Variants in RBBP7 observed in about 807,000 individuals in gnomAD.
The protein encoded by RBBP7 is RB binding protein 7, chromatin remodeling factor.
In RBBP7, 5 loss-of-function variants were observed where a neutral mutation model predicts 35.2. The observed-to-expected ratio is 0.14, with a 90% confidence interval of 0.07 to 0.30. The LOEUF (loss-of-function observed/expected upper bound fraction) is 0.30. Among genes scored for constraint, RBBP7 ranks in the 10% least tolerant of loss-of-function variants. The probability of loss-of-function intolerance (pLI) is 1.00; values close to 1 mark genes in which losing one functional copy is unlikely to be tolerated. For missense variants in RBBP7, 155 were observed against 327.5 expected, an observed-to-expected ratio of 0.47 and a Z score of 4.07; for synonymous variants, 140 against 118.7, an observed-to-expected ratio of 1.18 and a Z score of -1.17.
chrX:16,845,749 G>A (rs1930059322), intron 11 of RBBP7, 79 bp downstream of exon 11: 5 of 1,122,722 alleles, frequency 4.5e-6, no homozygotes, highest in South Asian at 2.3e-5. Context: ...CTACATATTC[G>A]AAATAACTTT....
chrX:16,866,416 C>T (rs1930616223), intron 2 of RBBP7, among the ~76,000 whole-genome samples: 1 of 104,302 alleles, frequency 9.6e-6, no homozygotes, highest in African/African-American at 3.5e-5. Context: ...ATCCCAGCTA[C>T]TCAGGAGGCT....
chrX:16,854,577 G>C (rs1386869821), intron 5 of RBBP7, among the ~76,000 whole-genome samples: 3 of 111,239 alleles, frequency 2.7e-5, no homozygotes, highest in Non-Finnish European at 5.7e-5. Context: ...CTCTCACATA[G>C]CAAAAGCCTC....
At chrX:16,859,002 T>C (rs1029112926) in intron 3 of RBBP7, among the ~76,000 whole-genome samples, 153 bp from the exon 4 acceptor site, 2 of 112,071 alleles carry the variant, frequency 1.8e-5, no homozygotes, top group Non-Finnish European at 3.8e-5. Context: ...AACCCAAAAA[T>C]GTGGGTTCAT....
chrX:16,863,200 G>C, intron 2 of RBBP7, 100 bp from the exon 3 acceptor site: 2 of 838,221 alleles, frequency 2.4e-6, no homozygotes, highest in Admixed American at 2.8e-5. Context: ...TATTTCTTTA[G>C]CAAATATATA....
intron 2 of RBBP7, among the ~76,000 whole-genome samples, chrX:16,867,669 T>A (rs1930658141): frequency 9.0e-6 from 1 of 110,799 alleles, no homozygotes; most frequent in Admixed American, 9.6e-5. Flanking sequence ...AGATTATTAT[T>A]ATAATAATTA....
At chrX:16,864,248 C>T (rs932223187) in intron 2 of RBBP7, among the ~76,000 whole-genome samples, 2 of 110,772 alleles carry the variant, frequency 1.8e-5, no homozygotes, top group Non-Finnish European at 3.8e-5. Flanking sequence ...AAATGGGCGC[C>T]GTGGCTCACG....
intron 5 of RBBP7, among the ~76,000 whole-genome samples, chrX:16,856,154 T>C (rs1305911133): frequency 9.0e-6 from 1 of 111,170 alleles, no homozygotes; most frequent in Non-Finnish European, 1.9e-5. Flanking sequence ...TGAATACCTA[T>C]TTCTCTAAAG....
chrX:16,868,171 G>A (rs1462892474), intron 2 of RBBP7, among the ~76,000 whole-genome samples: 1 of 111,417 alleles, frequency 9.0e-6, no homozygotes, highest in African/African-American at 3.3e-5. Context: ...ATGGCTCACT[G>A]CAGCCTTGAA....
At chrX:16,869,333 T>A in intron 1 of RBBP7, 113 bp from the exon 2 acceptor site, 1 of 1,064,568 alleles carries the variant, frequency 9.4e-7, no homozygotes, top group Non-Finnish European at 1.3e-6. Flanking sequence ...TTACCTCTAA[T>A]TTGGACACGG....
In RBBP7 at chrX:16,853,750, C is replaced by T. The variant is rs1472980772; in HGVS notation, c.690G>A (p.Glu230=). ...AIFTGHSAVV[E]DVAWHLLHES... is the part of the protein sequence containing the mutation. ...CGTGCAGCAGGTGCCAGGCCACATC[C>T]TCTACAACAGCTGAGTGGCCAGTAA... The change falls in exon 6 of 12, where the codon GAG becomes GAA. Residue 230 remains glutamate (E), a synonymous_variant. Coordinates refer to ENST00000380087, the MANE Select transcript of RBBP7 (RefSeq NM_002893.4). 3 of 1,193,473 alleles carry T rather than the reference C, an allele frequency of 2.5e-6. No homozygotes were observed. The highest frequency in any genetic ancestry group is 1.1e-6 in the Non-Finnish European group (1 of 887,761).
At chrX:16,868,230 A>G (rs1359918118) in intron 2 of RBBP7, among the ~76,000 whole-genome samples, 7 of 111,591 alleles carry the variant, frequency 6.3e-5, no homozygotes, top group Non-Finnish European at 9.4e-5. Flanking sequence ...ACAGGAGTAT[A>G]AACCACTGTG....
chrX:16,868,751 CTA>C (rs1156777995), intron 2 of RBBP7, among the ~76,000 whole-genome samples: 1 of 112,275 alleles, frequency 8.9e-6, no homozygotes, highest in Non-Finnish European at 1.9e-5. Context: ...CGTAAATATT[CTA>C]TTTTTCAGTA....
At chrX:16,861,162 A>G (rs1413640348) in intron 3 of RBBP7, among the ~76,000 whole-genome samples, 6 of 112,403 alleles carry the variant, frequency 5.3e-5, no homozygotes, top group Non-Finnish European at 1.1e-4. Context: ...CGACTGAGCG[A>G]GACCCTGCCT....
chrX:16,857,078 G>A (rs1930371016), intron 5 of RBBP7, among the ~76,000 whole-genome samples: 1 of 111,357 alleles, frequency 9.0e-6, no homozygotes, highest in African/African-American at 3.3e-5. Context: ...GAAATACCAA[G>A]AACAGATAAC....
intron 2 of RBBP7, among the ~76,000 whole-genome samples, chrX:16,864,526 C>CAAAAAAAAAAAAA (rs61357554): frequency 3.8e-5 from 1 of 26,245 alleles, no homozygotes; most frequent in African/African-American, 1.7e-4. Flanking sequence ...ACTCCGTCTC[C>CAAAAAAAAAAAAA]AAAAAAAAAA....
chrX:16,851,124 CAAA>C (rs139028984), intron 9 of RBBP7, among the ~76,000 whole-genome samples: 2 of 79,948 alleles, frequency 2.5e-5, no homozygotes. Context: ...ATTCAGTCTC[CAAA>C]AAAAAAAAAA....
At chrX:16,868,127 T>A (rs1364324893) in intron 2 of RBBP7, among the ~76,000 whole-genome samples, 1 of 111,863 alleles carries the variant, frequency 8.9e-6, no homozygotes, top group Non-Finnish European at 1.9e-5. Context: ...ACGGTCTCAC[T>A]CTGTTGGCTA....
intron 9 of RBBP7, 138 bp downstream of exon 9, chrX:16,851,908 G>GA: frequency 2.2e-6 from 1 of 461,028 alleles, no homozygotes; most frequent in Non-Finnish European, 3.8e-6. Context: ...GGCTCTTTAG[G>GA]AAGATGCTTA....
At chrX:16,864,191 G>C (rs183970355) in intron 2 of RBBP7, among the ~76,000 whole-genome samples, 104 of 111,010 alleles carry the variant, frequency 9.4e-4, no homozygotes, top group Middle Eastern at 4.6e-3. Context: ...CCAAAACAGA[G>C]TAAGGCAGCC....
Sources: allele counts gnomAD v4.1 joint callset (sites outside exome capture counted in the v4.1 genomes callset), GRCh38; gene constraint gnomAD v4.1.1; transcripts MANE v1.5; gene names NCBI Gene and HGNC (gene_info 2026-07-23, HGNC 2026-07-21).